PLPP1: variants seen among roughly 807,000 people sequenced by gnomAD.
PLPP1 encodes lipid phosphate phosphohydrolase 1a.
A neutral mutation model predicts 31.2 loss-of-function variants in PLPP1; 24 were observed. The observed-to-expected ratio is 0.77, with a 90% CI of 0.56 to 1.08. The LOEUF is 1.08. Among genes scored for constraint, PLPP1 ranks in the 50% least tolerant of loss-of-function variants. The probability of loss-of-function intolerance (pLI) is 0.00; values close to 1 mark genes in which losing one functional copy is unlikely to be tolerated. For synonymous variants in PLPP1, 146 were observed against 126.3 expected, an observed-to-expected ratio of 1.16 and a Z score of -1.05; for missense variants, 319 against 342.7, an observed-to-expected ratio of 0.93 and a Z score of 0.55.
chr5:55,459,915 T>A (rs893491837), intron 3 of PLPP1, among the ~76,000 whole-genome samples: 8 of 152,254 alleles, frequency 5.3e-5, no homozygotes, highest in Non-Finnish European at 1.2e-4. Flanking sequence ...GGATGATCCA[T>A]TTCCACTTAC....
chr5:55,460,132 T>C (rs1342308658), intron 3 of PLPP1, among the ~76,000 whole-genome samples: 1 of 152,166 alleles, frequency 6.6e-6, no homozygotes, highest in Non-Finnish European at 1.5e-5. Flanking sequence ...ATGTGAAGTT[T>C]TGACTGCACA....
intron 4 of PLPP1, among the ~76,000 whole-genome samples, chr5:55,431,596 A>T (rs746798006): frequency 1.5e-4 from 23 of 152,212 alleles, no homozygotes; most frequent in Non-Finnish European, 2.8e-4. Flanking sequence ...GAGGCAGGAC[A>T]TACCGAAACC....
chr5:55,442,075 G>C (rs575518087), intron 3 of PLPP1, among the ~76,000 whole-genome samples, 167 bp from the exon 4 acceptor site: 1 of 152,298 alleles, frequency 6.6e-6, no homozygotes, highest in South Asian at 2.1e-4. Flanking sequence ...ACATTAAAGA[G>C]TGCAAGAAGG....
chr5:55,490,066 G>C (rs576029417), intron 1 of PLPP1, among the ~76,000 whole-genome samples: 7 of 151,610 alleles, frequency 4.6e-5, no homozygotes, highest in Non-Finnish European at 1.0e-4. Flanking sequence ...TTATTTAACA[G>C]TGAAGCCCAA....
chr5:55,451,441 G>A (rs891000906), intron 3 of PLPP1, among the ~76,000 whole-genome samples: 1 of 152,164 alleles, frequency 6.6e-6, no homozygotes, highest in Non-Finnish European at 1.5e-5. Flanking sequence ...AGCCCAGTAG[G>A]AGGCTGCCAG....
At chr5:55,429,430 G>A (rs1751289847) in intron 4 of PLPP1, among the ~76,000 whole-genome samples, 1 of 152,150 alleles carries the variant, frequency 6.6e-6, no homozygotes, top group South Asian at 2.1e-4. Context: ...GTACCTGGCA[G>A]GGATTGGTTG....
chr5:55,455,872 C>A (rs1347242297), intron 3 of PLPP1, among the ~76,000 whole-genome samples: 1 of 152,062 alleles, frequency 6.6e-6, no homozygotes, highest in Admixed American at 6.5e-5. Context: ...AGGTTGTGGC[C>A]CAGCAAATCT....
At chr5:55,462,237 TTAC>T (rs1752181028) in intron 3 of PLPP1, among the ~76,000 whole-genome samples, 1 of 152,216 alleles carries the variant, frequency 6.6e-6, no homozygotes, top group Non-Finnish European at 1.5e-5. Context: ...AAGCTTCCCA[TTAC>T]ACCTCATTTT....
intron 1 of PLPP1, among the ~76,000 whole-genome samples, chr5:55,494,969 A>AAC (rs1438736821): frequency 2.7e-5 from 4 of 148,934 alleles, no homozygotes; most frequent in Non-Finnish European, 6.0e-5. Context: ...AAAAAATACA[A>AAC]AAAAAAAAAA....
chr5:55,531,775 A>T (rs896639272), intron 1 of PLPP1, among the ~76,000 whole-genome samples: 2 of 152,226 alleles, frequency 1.3e-5, no homozygotes, highest in Non-Finnish European at 2.9e-5. Flanking sequence ...TCCAAAAGTA[A>T]GCGTGAAAAG....
chr5:55,523,405 CTAGT>C (rs1300476817), intron 1 of PLPP1, among the ~76,000 whole-genome samples: 3 of 152,130 alleles, frequency 2.0e-5, no homozygotes, highest in Non-Finnish European at 4.4e-5. Context: ...CAAATACACA[CTAGT>C]TAATCTGCAT....
chr5:55,472,507 A>C (rs1387341016), intron 2 of PLPP1, among the ~76,000 whole-genome samples: 1 of 151,906 alleles, frequency 6.6e-6, no homozygotes, highest in Non-Finnish European at 1.5e-5. Context: ...GGCTGAGGCA[A>C]GAGAATCGCT....
At chr5:55,530,700 T>C in intron 1 of PLPP1, 1 of 1,581,638 alleles carries the variant, frequency 6.3e-7, no homozygotes, top group Non-Finnish European at 8.7e-7. Flanking sequence ...GCATGCTCTC[T>C]CTTCTAGTCA....
At position 55,425,329 on chromosome 5, in the gene PLPP1, T is replaced by G; in HGVS notation, c.732A>C (p.Val244=). The change falls in exon 6 of 6, where the codon GTA becomes GTC. Residue 244 remains valine (V), a synonymous_variant. Coordinates refer to ENST00000307259, the MANE Select transcript of PLPP1 (RefSeq NM_003711.4). The part of the protein sequence containing the change: ...QGALVAILVA[V]YVSDFFKERT... ...TTTCTTTGAAGAAATCCGATACATA[T>G]ACAGCCTACAGTGCAAAATATTTAA... 6.3e-7 allele frequency: 1 copy of G among 1,597,548 alleles called. No homozygotes were observed. The highest frequency in any genetic ancestry group is 1.3e-5 in the African/African-American group (1 of 74,350).
At chr5:55,463,186 G>A (rs773785619) in intron 3 of PLPP1, among the ~76,000 whole-genome samples, 51 of 151,924 alleles carry the variant, frequency 3.4e-4, no homozygotes, top group Non-Finnish European at 5.7e-4. Flanking sequence ...GCCTGTCAGG[G>A]GGTGTGGGGT....
chr5:55,458,914 A>AAAAAAAAAAAAAAC (rs1387046910), intron 3 of PLPP1, among the ~76,000 whole-genome samples: 19 of 148,972 alleles, frequency 1.3e-4, no homozygotes, highest in Non-Finnish European at 2.4e-4. Flanking sequence ...AAAAAAAAAA[A>AAAAAAAAAAAAAAC]AACACATAGC....
At position 55,458,905 on chromosome 5, in the gene PLPP1, A is replaced by C. The variant is rs1037854032; in HGVS notation, c.491+8964T>G. ...CTGTCTCCAAAAAAAAAAAAAAAAA[A>C]AAAAAAAAAAACACATAGCAAAATG... On this transcript the variant is annotated intron_variant, in intron 3 of 5. Transcript: ENST00000307259. Among the ~76,000 whole-genome samples, 6 of 149,364 alleles carry C rather than the reference A, an allele frequency of 4.0e-5. No individual in the cohort carries two copies. The East Asian group carries it at 1.2e-3, about 29-fold the overall frequency.
chr5:55,440,927 C>T (rs1451063705), intron 4 of PLPP1, among the ~76,000 whole-genome samples: 1 of 151,914 alleles, frequency 6.6e-6, no homozygotes, highest in Non-Finnish European at 1.5e-5. Context: ...ATAAAAATCC[C>T]CTTATAAAGA....
chr5:55,464,428 G>T (rs1752240032), intron 3 of PLPP1, among the ~76,000 whole-genome samples: 1 of 151,994 alleles, frequency 6.6e-6, no homozygotes, highest in East Asian at 1.9e-4. Flanking sequence ...TAGAGATGGG[G>T]TTTCACTACG....
Sources: gnomAD v4.1 joint callset for allele counts (sites outside exome capture counted in the v4.1 genomes callset) on GRCh38, gnomAD v4.1.1 for gene constraint, MANE v1.5 for transcripts, NCBI Gene and HGNC (gene_info 2026-07-23, HGNC 2026-07-21) for gene names.